Variants in EPAS1 observed in about 807,000 individuals in gnomAD.
EPAS1 encodes endothelial PAS domain-containing protein 1.
A neutral mutation model predicts 87.9 loss-of-function variants in EPAS1; 23 were observed. The ratio of observed to expected loss-of-function variants is 0.26; its 90% CI spans 0.19 to 0.37. EPAS1 has a LOEUF of 0.37. EPAS1 is among the 10% of genes least tolerant of loss of function. EPAS1 has a pLI of 1.00. For synonymous variants in EPAS1, 508 were observed against 444.3 expected (o/e 1.14, Z -1.80); for missense variants, 1,138 against 1,120.7 (o/e 1.02, Z -0.22).
At chr2:46,301,356 C>T (rs1682992555) in intron 1 of EPAS1, among the ~76,000 whole-genome samples, 1 of 151,980 alleles carries the variant, frequency 6.6e-6, no homozygotes, top group Non-Finnish European at 1.5e-5. Context: ...CTGCGGATCA[C>T]CTGAGGTCAG....
chr2:46,308,802 G>A (rs563955479), intron 1 of EPAS1, among the ~76,000 whole-genome samples: 2 of 152,284 alleles, frequency 1.3e-5, no homozygotes, highest in East Asian at 1.9e-4. Context: ...AGCAAGATGG[G>A]GAAGTTGTGC....
At chr2:46,369,201 AG>A (rs891272132) in intron 6 of EPAS1, among the ~76,000 whole-genome samples, 15 of 152,146 alleles carry the variant, frequency 9.9e-5, no homozygotes, top group African/African-American at 3.6e-4. Context: ...ACAAGTAGAA[AG>A]TGTCCGAGGG....
In EPAS1 at chr2:46,376,534, A is replaced by G; in HGVS notation, c.1035-5A>G. On this transcript the variant is annotated splice_region_variant and splice_polypyrimidine_tract_variant and intron_variant, in intron 8 of 15. Coordinates refer to ENST00000263734, the MANE Select transcript of EPAS1 (RefSeq NM_001430.5). ...AAGTCTGAATGGCTCTTTCCCCCCC[A>G]TTAGTGAGATTGAGAAGAATGACGT... 1 of 1,613,890 alleles carries G rather than the reference A, an allele frequency of 6.2e-7. No individual in the cohort carries two copies. Among genetic ancestry groups the G allele is most frequent in the East Asian group, 2.2e-5 (1 of 44,884 alleles).
At chr2:46,331,738 G>A (rs934211550) in intron 1 of EPAS1, among the ~76,000 whole-genome samples, 4 of 152,198 alleles carry the variant, frequency 2.6e-5, no homozygotes, top group African/African-American at 9.6e-5. Flanking sequence ...GAAATTCAGA[G>A]TATCCTGGAC....
intron 1 of EPAS1, among the ~76,000 whole-genome samples, chr2:46,342,970 A>C (rs1213132951): frequency 6.6e-6 from 1 of 152,196 alleles, no homozygotes; most frequent in South Asian, 2.1e-4. Flanking sequence ...AAATTTGTGC[A>C]TATGAAAATG....
Position 46,300,516 on chromosome 2 carries a change from G to A in EPAS1, c.26+2579G>A, listed in dbSNP as rs188309921. Among the ~76,000 whole-genome samples the A allele has an allele frequency of 1.1e-3, 169 of 152,324 alleles. 1 individual carries two copies. The highest frequency in any genetic ancestry group is 3.3e-3 in the African/African-American group (136 of 41,572). The stretch of plus-strand genomic sequence containing the variant: ...GTTAGTTGGCTGGGTGTCCTTGATA[G>A]TACCAGTTTTGGTGGTAGTGGGCAT... On this transcript the variant is annotated intron_variant, in intron 1 of 15. Coordinates refer to ENST00000263734, the MANE Select transcript of EPAS1 (RefSeq NM_001430.5). This position sits in a 1 kb window ranked among gnomAD's most constrained non-coding sequence, Gnocchi z 4.1.
At chr2:46,319,939 G>A (rs1304536760) in intron 1 of EPAS1, among the ~76,000 whole-genome samples, 1 of 152,154 alleles carries the variant, frequency 6.6e-6, no homozygotes, top group Non-Finnish European at 1.5e-5. Flanking sequence ...AGAGTTCCCA[G>A]GCATCTTCGA....
Position 46,380,155 on chromosome 2 carries a change from A to G in EPAS1, c.1555-72A>G. ...TGCTTGAGATGAATGGCTCTGCAGG[A>G]GCTGAGTTGGAATAGTGTTTGTGAG... is the stretch of plus-strand genomic sequence containing the variant. On this transcript the variant is annotated intron_variant, in intron 11 of 15. Coordinates refer to ENST00000263734, the MANE Select transcript of EPAS1 (RefSeq NM_001430.5). This position sits in a 1 kb window ranked among gnomAD's most constrained non-coding sequence, Gnocchi z 4.4. 6.9e-6 allele frequency: 11 copies of G among 1,598,198 alleles called. No homozygotes were observed. Among genetic ancestry groups the G allele is most frequent in the Non-Finnish European group, 8.5e-6 (10 of 1,178,804 alleles).
At chr2:46,374,997 C>T (rs1684707507) in intron 7 of EPAS1, among the ~76,000 whole-genome samples, 1 of 152,022 alleles carries the variant, frequency 6.6e-6, no homozygotes, top group Admixed American at 6.6e-5. Context: ...CTGCCAGGGT[C>T]CCAGCTCTTT....
At position 46,360,596 on chromosome 2, in the gene EPAS1, A is replaced by G; in HGVS notation, c.455-42A>G. 6.4e-7 allele frequency: 1 copy of G among 1,568,058 alleles called. No homozygotes were observed. The highest frequency in any genetic ancestry group is 8.8e-7 in the Non-Finnish European group (1 of 1,138,230). ...GGGCCCCTCTCATGAATATCCATAT[A>G]AAACTGACTTCAGCTGGTTCTTCCC... is the stretch of plus-strand genomic sequence containing the variant. On this transcript the variant is annotated intron_variant, in intron 4 of 15. Transcript: ENST00000263734. This position sits in a 1 kb window ranked among gnomAD's most constrained non-coding sequence, Gnocchi z 4.5.
rs1356650287 is a variant in EPAS1 at position 46,361,025 on chromosome 2, C to T, written c.714C>T (p.Pro238=). The T allele has an allele frequency of 1.2e-6, 2 of 1,614,016 alleles. No individual in the cohort carries two copies. The highest frequency in any genetic ancestry group is 1.7e-5 in the Admixed American group (1 of 59,994). ...PIQHPSHMDI[P]LDSKTFLSRH... is the part of the protein sequence containing the mutation. ...AGCACCCATCCCACATGGACATCCC[C>T]CTGGATAGCAAGACCTTCCTGAGCC... The change falls in exon 6 of 16, where the codon CCC becomes CCT. Residue 238 remains proline (P), a synonymous_variant. Coordinates refer to ENST00000263734, the MANE Select transcript of EPAS1 (RefSeq NM_001430.5).
chr2:46,299,994 C>T (rs1392312917), intron 1 of EPAS1, among the ~76,000 whole-genome samples: 1 of 152,190 alleles, frequency 6.6e-6, no homozygotes, highest in Non-Finnish European at 1.5e-5. Context: ...GGGTGTCCGC[C>T]CTCTTCGACC....
intron 2 of EPAS1, among the ~76,000 whole-genome samples, chr2:46,349,684 C>T (rs1684109466): frequency 6.6e-6 from 1 of 152,242 alleles, no homozygotes; most frequent in South Asian, 2.1e-4. Flanking sequence ...GAGCACAGCC[C>T]AGGGAGGAGG....
rs779305044 is a variant in EPAS1 at position 46,384,595 on chromosome 2, G to A, written c.2548G>A (p.Val850Met). 136 of 1,613,964 alleles carry A rather than the reference G, an allele frequency of 8.4e-5. No individual in the cohort carries two copies. The highest frequency in any genetic ancestry group is 9.9e-5 in the South Asian group (9 of 91,094). Reference sequence around the variant, plus strand: ...ATATGACTGTGAGGTGAACGTGCCCGTGCTGGGAAGCTCCACGCTCCTGCA... The same window carrying A: ...ATATGACTGTGAGGTGAACGTGCCCATGCTGGGAAGCTCCACGCTCCTGCA... ...TRYDCEVNVP[V>M]LGSSTLLQGG... Residue 850 changes from valine to methionine, a missense_variant, in exon 16 of 16, where the codon GTG (valine) becomes ATG (methionine). Val to Met is a conservative substitution (Grantham distance 21). Around this residue, in one of 4 missense-constraint regions of EPAS1, gnomAD observed 502 missense variants for 427.1 expected, o/e 1.18. Transcript: ENST00000263734.
At chr2:46,323,007 C>G (rs559341995) in intron 1 of EPAS1, among the ~76,000 whole-genome samples, 1 of 152,366 alleles carries the variant, frequency 6.6e-6, no homozygotes, top group Admixed American at 6.5e-5. Flanking sequence ...AATCTATTAA[C>G]AGCTGAAAAC....
chr2:46,351,740 C>T (rs1363902150), intron 2 of EPAS1, among the ~76,000 whole-genome samples: 1 of 152,170 alleles, frequency 6.6e-6, no homozygotes, highest in African/African-American at 2.4e-5. Flanking sequence ...CCTGGAACTT[C>T]TCGGAGTAGG....
chr2:46,372,414 C>G (rs1558607363), intron 7 of EPAS1, among the ~76,000 whole-genome samples: 1 of 152,220 alleles, frequency 6.6e-6, no homozygotes, highest in Non-Finnish European at 1.5e-5. Flanking sequence ...TCCAGATTCA[C>G]ACACTGGGAT....
In EPAS1 at chr2:46,371,870, G is replaced by C. The variant is rs1177862843; in HGVS notation, c.886+1937G>C. Among the ~76,000 whole-genome samples the C allele has an allele frequency of 6.6e-6, 1 of 152,148 alleles. No homozygotes were observed. The highest frequency in any genetic ancestry group is 2.4e-5 in the African/African-American group (1 of 41,422). On this transcript the variant is annotated intron_variant, in intron 7 of 15. Transcript: ENST00000263734. This position sits in a 1 kb window ranked among gnomAD's most constrained non-coding sequence, Gnocchi z 4.3. ...AAGAGACAAATGTAAAAATTTCTGG[G>C]AATTCTTGGAGGACAGTATTACCTT...
chr2:46,377,606 T>C (rs1463311645), intron 9 of EPAS1, among the ~76,000 whole-genome samples: 1 of 152,242 alleles, frequency 6.6e-6, no homozygotes, highest in African/African-American at 2.4e-5. Flanking sequence ...CTTCCTTGTC[T>C]ACCCTTCCGG....
Sources: allele counts gnomAD v4.1 joint callset (sites outside exome capture counted in the v4.1 genomes callset), GRCh38; gene constraint gnomAD v4.1.1; regional missense constraint gnomAD v4.1.1; non-coding constraint Gnocchi (gnomAD v3.1); transcripts MANE v1.5; gene names NCBI Gene and HGNC (gene_info 2026-07-23, HGNC 2026-07-21).